CPN2: variants seen among roughly 807,000 people sequenced by gnomAD.
The protein encoded by CPN2 is carboxypeptidase N 83 kDa chain.
For synonymous variants in CPN2, 336 were observed against 318.4 expected, an observed-to-expected ratio of 1.06 and a Z score of -0.59; for missense variants, 620 against 671.4, an observed-to-expected ratio of 0.92 and a Z score of 0.85.
chr3:194,343,895 A>G (rs1353323458), intron 1 of CPN2, among the ~76,000 whole-genome samples: 1 of 152,234 alleles, frequency 6.6e-6, no homozygotes, highest in East Asian at 1.9e-4. Flanking sequence ...GGTTATTTGA[A>G]CACCAAAAAA....
rs143969370 is a variant in CPN2 at position 194,341,333 on chromosome 3, G to A, written c.1370C>T (p.Thr457Met). 140 of 1,613,760 alleles carry A rather than the reference G, an allele frequency of 8.7e-5. No individual in the cohort carries two copies. The highest frequency in any genetic ancestry group is 6.1e-4 in the South Asian group (56 of 91,084). Residue 457 changes from threonine to methionine, a missense_variant, in exon 2 of 2, where the codon ACG becomes ATG. Coordinates refer to ENST00000323830, the MANE Select transcript of CPN2 (RefSeq NM_001080513.4). ...VTRDHLGFQVTWPDESKAGGS... is the reference protein window; with the variant it reads ...VTRDHLGFQVMWPDESKAGGS... ...CCCTGCCTTGCTTTCGTCCGGCCAC[G>A]TGACCTGGAAGCCCAAGTGGTCCCG...
In CPN2 at chr3:194,341,880, T is replaced by C; in HGVS notation, c.823A>G (p.Asn275Asp). The stretch of plus-strand genomic sequence containing the variant: ...CCGGCAGGCAGGACCCGAAGCATGT[T>C]CCACTGCAAGCTCAGAAAGGTCAGA... ...GNLTFLSLQW[N>D]MLRVLPAGLF... The change falls in exon 2 of 2, where the codon AAC (asparagine) becomes GAC (aspartate). Residue 275 changes from asparagine to aspartate, a missense_variant. Coordinates refer to ENST00000323830, the MANE Select transcript of CPN2 (RefSeq NM_001080513.4). The C allele has an allele frequency of 1.9e-6, 3 of 1,614,152 alleles. No individual in the cohort carries two copies. Among genetic ancestry groups the C allele is most frequent in the Non-Finnish European group, 2.5e-6 (3 of 1,180,014 alleles).
At chr3:194,347,377 C>T (rs921449119) in intron 1 of CPN2, among the ~76,000 whole-genome samples, 1 of 152,084 alleles carries the variant, frequency 6.6e-6, no homozygotes, top group Non-Finnish European at 1.5e-5. Flanking sequence ...GGGCCTAGAA[C>T]CCTGGCCCCA....
rs888654858 is a variant in CPN2, at chr3:194,340,839, G to T, written c.*226C>A. The T allele has an allele frequency of 2.9e-5, 18 of 617,176 alleles. 1 individual carries two copies. In the Admixed American group the frequency reaches 5.4e-4, roughly 18 times the overall value. The allele number at this position is 617,176 out of a possible 1,614,324, so 38.2% of individuals were successfully genotyped here. Reference sequence around the variant, plus strand: ...TTTGAGGGTGCTTTGCAAGGCATAAGGATGGCCTTGTTAGGCCGCACACTC... The same window carrying T: ...TTTGAGGGTGCTTTGCAAGGCATAATGATGGCCTTGTTAGGCCGCACACTC... On this transcript the variant is annotated 3_prime_UTR_variant, in exon 2 of 2. Transcript: ENST00000323830.
At position 194,341,398 on chromosome 3, in the gene CPN2, C is replaced by T; in HGVS notation, c.1305G>A (p.Val435=). Residue 435 remains valine, a synonymous_variant, in exon 2 of 2, where the codon GTG becomes GTA. Coordinates refer to ENST00000323830, the MANE Select transcript of CPN2 (RefSeq NM_001080513.4). ...AGPAYLKGQV[V]PALNEKQLVC... is the part of the protein sequence containing the mutation. ...CCAGCTGCTTCTCATTCAAGGCGGG[C>T]ACCACCTGGCCTTTGAGGTAGGCAG... is the stretch of plus-strand genomic sequence containing the variant. 3 of 1,614,136 alleles carry T rather than the reference C, an allele frequency of 1.9e-6. No individual in the cohort carries two copies. The highest frequency in any genetic ancestry group is 2.2e-5 in the East Asian group (1 of 44,882).
rs936445809 is a variant in CPN2 at position 194,340,857 on chromosome 3, G to T, written c.*208C>A. ...GGCATAAGGATGGCCTTGTTAGGCC[G>T]CACACTCCAGGAGAAGCGATGAAGG... On this transcript the variant is annotated 3_prime_UTR_variant, in exon 2 of 2. Transcript: ENST00000323830. The T allele has an allele frequency of 9.5e-6, 7 of 737,110 alleles. No homozygotes were observed. In the Admixed American group the frequency reaches 1.2e-4, roughly 13 times the overall value. 45.7% of individuals were successfully genotyped at this position (737,110 alleles called of 1,614,324 possible). A position where few individuals can be genotyped will look rare whatever the true frequency, so the allele number is the denominator to read the frequency against.
chr3:194,340,934 A>G lies in CPN2; in HGVS notation c.*131T>C. 2 of 1,368,794 alleles carry G rather than the reference A, an allele frequency of 1.5e-6. No homozygotes were observed. Among genetic ancestry groups the G allele is most frequent in the South Asian group, 3.1e-5 (2 of 64,504 alleles). The allele number at this position is 1,368,794 out of a possible 1,614,324, so 84.8% of individuals were successfully genotyped here. A position where few individuals can be genotyped will look rare whatever the true frequency, so the allele number is the denominator to read the frequency against. ...GGAGCAGACCAGACTCCACCCCCTC[A>G]CCTTGGGGATGTAACCCTGTCCCTT... is the stretch of plus-strand genomic sequence containing the variant. On this transcript the variant is annotated 3_prime_UTR_variant, in exon 2 of 2. Transcript: ENST00000323830.
Position 194,342,350 on chromosome 3 carries a change from G to C in CPN2, c.353C>G (p.Ser118Cys). Residue 118 changes from serine to cysteine, a missense_variant, in exon 2 of 2, where the codon TCC becomes TGC. By Grantham distance (112) the Ser-to-Cys change is moderately radical (BLOSUM62 -1). Transcript: ENST00000323830. ...SFLNLSTNIFSNLTSLGKLTL... is the reference protein window; with the variant it reads ...SFLNLSTNIFCNLTSLGKLTL... The stretch of plus-strand genomic sequence containing the variant: ...GAGCTTGCCCAGCGAGGTCAGGTTG[G>C]AGAAGATGTTGGTGCTGAGGTTCAA... The C allele has an allele frequency of 6.2e-7, 1 of 1,614,120 alleles. No individual in the cohort carries two copies. Among genetic ancestry groups the C allele is most frequent in the Non-Finnish European group, 8.5e-7 (1 of 1,180,022 alleles).
chr3:194,346,848 C>G (rs972434343), intron 1 of CPN2, among the ~76,000 whole-genome samples: 4 of 152,332 alleles, frequency 2.6e-5, no homozygotes, highest in Admixed American at 6.5e-5. Flanking sequence ...ATGAGATCAT[C>G]CAACCACCCC....
chr3:194,342,424 G>T lies in CPN2; in HGVS notation c.279C>A (p.Phe93Leu). 15 of 1,614,034 alleles carry T rather than the reference G, an allele frequency of 9.3e-6. No homozygotes were observed. Among genetic ancestry groups the T allele is most frequent in the Non-Finnish European group, 1.2e-5 (14 of 1,179,984 alleles). The change falls in exon 2 of 2, where the codon TTC becomes TTA. Residue 93 changes from phenylalanine (F) to leucine (L), a missense_variant. Phe to Leu is a conservative substitution (Grantham distance 22, BLOSUM62 0). Coordinates refer to ENST00000323830, the MANE Select transcript of CPN2 (RefSeq NM_001080513.4). ...TQLCQFRPDA[F>L]GGLPRLEDLE... is the part of the protein sequence containing the mutation. ...GGTCCTCCAGCCTGGGCAGCCCCCC[G>T]AAGGCATCCGGCCTAAACTGGCAGA...
chr3:194,342,301 C>T lies in CPN2; in HGVS notation c.402G>A (p.Glu134=). The T allele has an allele frequency of 6.2e-7, 1 of 1,613,960 alleles. No homozygotes were observed. The highest frequency in any genetic ancestry group is 8.5e-7 in the Non-Finnish European group (1 of 1,179,984). Residue 134 remains glutamate (E), a synonymous_variant, in exon 2 of 2, where the codon GAG becomes GAA. Transcript: ENST00000323830. ...GKLTLNFNML[E]ALPEGLFQHL... ...GCTGGAAAAGACCCTCGGGCAGAGC[C>T]TCCAGCATGTTGAAGTTGAGGGTGA...
In CPN2 at chr3:194,341,559, C is replaced by G; in HGVS notation, c.1144G>C (p.Asp382His). 1 of 1,614,062 alleles carries G rather than the reference C, an allele frequency of 6.2e-7. No homozygotes were observed. The highest frequency in any genetic ancestry group is 1.3e-5 in the African/African-American group (1 of 75,014). ...QLTTLPEGIF[D>H]TNYNLFNLAL... ...AGGTTGAACAGGTTGTAGTTGGTGT[C>G]GAAGATGCCCTCCGGAAGTGTGGTC... Residue 382 changes from aspartate to histidine, a missense_variant, in exon 2 of 2, where the codon GAC becomes CAC. Asp to His is a moderately conservative substitution (Grantham distance 81, BLOSUM62 -1). Coordinates refer to ENST00000323830, the MANE Select transcript of CPN2 (RefSeq NM_001080513.4).
At position 194,340,819 on chromosome 3, in the gene CPN2, G is replaced by C. The variant is rs917519224; in HGVS notation, c.*246C>G. 1 of 512,978 alleles carries C rather than the reference G, an allele frequency of 1.9e-6. No individual in the cohort carries two copies. The highest frequency in any genetic ancestry group is 3.4e-5 in the Admixed American group (1 of 29,038). The allele number at this position is 512,978 out of a possible 1,614,324, so 31.8% of individuals were successfully genotyped here. A position where few individuals can be genotyped will look rare whatever the true frequency, so the allele number is the denominator to read the frequency against. ...CTCCAGGCTGTGGTGCAGCTTTTGA[G>C]GGTGCTTTGCAAGGCATAAGGATGG... On this transcript the variant is annotated 3_prime_UTR_variant, in exon 2 of 2. Transcript: ENST00000323830.
At chr3:194,343,709 A>G (rs141374467) in intron 1 of CPN2, among the ~76,000 whole-genome samples, 1 of 152,248 alleles carries the variant, frequency 6.6e-6, no homozygotes, top group Non-Finnish European at 1.5e-5. Context: ...TCTGTGCTTC[A>G]GTTTCCTTAT....
intron 1 of CPN2, among the ~76,000 whole-genome samples, chr3:194,345,603 G>A (rs6763011): frequency 0.31 from 47,391 of 152,210 alleles, 7,976 homozygotes; most frequent in African/African-American, 0.43. Flanking sequence ...CTCCCCTGGA[G>A]TGATGGACCA....
chr3:194,348,792 T>A (rs912589873), intron 1 of CPN2, among the ~76,000 whole-genome samples: 1 of 152,040 alleles, frequency 6.6e-6, no homozygotes, highest in Non-Finnish European at 1.5e-5. Flanking sequence ...CTCGAGAGGC[T>A]GAGGTGGGAG....
At chr3:194,346,143 A>C (rs1469130101) in intron 1 of CPN2, among the ~76,000 whole-genome samples, 1 of 152,244 alleles carries the variant, frequency 6.6e-6, no homozygotes, top group Non-Finnish European at 1.5e-5. Flanking sequence ...CAGGGCAGGC[A>C]GACTGGGGCT....
chr3:194,345,673 C>T (rs763690922), intron 1 of CPN2, among the ~76,000 whole-genome samples: 10 of 152,218 alleles, frequency 6.6e-5, no homozygotes, highest in Non-Finnish European at 1.3e-4. Context: ...GAGAGTGAGG[C>T]AAGGTCCCGG....
At position 194,342,622 on chromosome 3, in the gene CPN2, G is replaced by A. The variant is rs146122822; in HGVS notation, c.81C>T (p.Asp27=). The part of the protein sequence containing the change: ...RPAQPCPMGC[D]CFVQEVFCSD... ...AGCAGAACACCTCCTGGACGAAGCA[G>A]TCACAACCCATGGGACAGGGCTGGG... is the stretch of plus-strand genomic sequence containing the variant. Residue 27 remains aspartate, a synonymous_variant, in exon 2 of 2, where the codon GAC becomes GAT. Transcript: ENST00000323830. The A allele has an allele frequency of 4.5e-4, 731 of 1,613,820 alleles. 4 individuals are homozygous for A. The African/African-American group carries it at 7.9e-3, about 17-fold the overall frequency.
Sources: gnomAD v4.1 joint callset for allele counts (sites outside exome capture counted in the v4.1 genomes callset) on GRCh38, gnomAD v4.1.1 for gene constraint, MANE v1.5 for transcripts, NCBI Gene and HGNC (gene_info 2026-07-23, HGNC 2026-07-21) for gene names.